Variants in KIAA1143 observed in about 807,000 individuals in gnomAD.
KIAA1143 encodes uncharacterized protein KIAA1143.
Under a neutral mutation model 17.0 loss-of-function variants are expected in KIAA1143, and 8 were observed. That is an observed-to-expected ratio of 0.47 (90% CI 0.28 to 0.85). KIAA1143 has a LOEUF of 0.85. Among genes scored for constraint, KIAA1143 ranks in the 40% least tolerant of loss-of-function variants. The pLI, the probability that KIAA1143 is intolerant of heterozygous loss-of-function variation, is 0.12. For synonymous variants in KIAA1143, 64 were observed against 67.8 expected (o/e 0.94, Z 0.27); for missense variants, 162 against 183.3 (o/e 0.88, Z 0.67).
rs1250679322 is a variant in KIAA1143, at chr3:44,750,020, T to C, written c.*3321A>G. 6.6e-6 allele frequency: 1 copy of C among 152,172 alleles called. No individual in the cohort carries two copies. The highest frequency in any genetic ancestry group is 1.5e-5 in the Non-Finnish European group (1 of 68,054). The allele number at this position is 152,172 out of a possible 1,614,324, so 9.4% of individuals were successfully genotyped here. Reference sequence around the variant, plus strand: ...CCCAGGCTGGGCTCAGATTCCTGGCTTCAAGCAATTCTCCCACCTTGGCTT... The same window carrying C: ...CCCAGGCTGGGCTCAGATTCCTGGCCTCAAGCAATTCTCCCACCTTGGCTT... On this transcript the variant is annotated 3_prime_UTR_variant, in exon 3 of 3. Coordinates refer to ENST00000296121, the MANE Select transcript of KIAA1143 (RefSeq NM_020696.4).
intron 1 of KIAA1143, among the ~76,000 whole-genome samples, chr3:44,760,869 G>A (rs1705093834): frequency 6.6e-6 from 1 of 151,938 alleles, no homozygotes; most frequent in South Asian, 2.1e-4. Context: ...TTTTAGCAGA[G>A]ACGGGGGGTT....
In KIAA1143 at chr3:44,758,682, T is replaced by A. The variant is rs1458867712; in HGVS notation, c.108+2813A>T. Among the ~76,000 whole-genome samples, 4 of 152,126 alleles carry A rather than the reference T, an allele frequency of 2.6e-5. No individual in the cohort carries two copies. The East Asian group carries it at 5.8e-4, about 22-fold the overall frequency. On this transcript the variant is annotated intron_variant, in intron 1 of 2. Transcript: ENST00000296121. ...AATCTCTCGAAGTCATCCATGAAGG[T>A]TGGAATCAACCTCTTCCAAATTCCT... is the stretch of plus-strand genomic sequence containing the variant.
chr3:44,759,832 C>T (rs1284241100), intron 1 of KIAA1143, among the ~76,000 whole-genome samples: 2 of 138,842 alleles, frequency 1.4e-5, no homozygotes, highest in Non-Finnish European at 3.0e-5. Context: ...GAGGTCAAGG[C>T]TGCAGTGAGC....
chr3:44,758,812 G>A (rs1467803034), intron 1 of KIAA1143, among the ~76,000 whole-genome samples: 1 of 151,764 alleles, frequency 6.6e-6, no homozygotes, highest in African/African-American at 2.4e-5. Flanking sequence ...ATATCCAGAT[G>A]CATCAGAGGA....
At chr3:44,760,539 G>A (rs952546510) in intron 1 of KIAA1143, among the ~76,000 whole-genome samples, 1 of 152,010 alleles carries the variant, frequency 6.6e-6, no homozygotes, top group Non-Finnish European at 1.5e-5. Context: ...ACAGGCGCCC[G>A]CCACCATGCC....
rs1391114135 is a variant in KIAA1143, at chr3:44,754,279, G to A, written c.198C>T (p.Asp66=). 2.5e-6 allele frequency: 4 copies of A among 1,613,982 alleles called. No homozygotes were observed. The highest frequency in any genetic ancestry group is 4.5e-5 in the East Asian group (2 of 44,880). Residue 66 remains aspartate (D), a synonymous_variant, in exon 2 of 3, where the codon GAC becomes GAT. Coordinates refer to ENST00000296121, the MANE Select transcript of KIAA1143 (RefSeq NM_020696.4). ...TTTTCATGACTTCTTCAACTGACAG[G>A]TCTCCCTTTTTTAAAACCACCACTT... The part of the protein sequence containing the change: ...QPQVVVLKKG[D]LSVEEVMKIK...
chr3:44,758,839 G>T (rs1343721951), intron 1 of KIAA1143, among the ~76,000 whole-genome samples: 1 of 151,814 alleles, frequency 6.6e-6, no homozygotes, highest in Non-Finnish European at 1.5e-5. Flanking sequence ...ATCCATGGCA[G>T]CTGTAGCCTT....
Position 44,754,341 on chromosome 3 carries a change from C to A in KIAA1143, c.136G>T (p.Asp46Tyr), listed in dbSNP as rs1210225983. The change falls in exon 2 of 3, where the codon GAT becomes TAT. Residue 46 changes from aspartate to tyrosine, a missense_variant. Asp to Tyr is a radical substitution (Grantham distance 160). Coordinates refer to ENST00000296121, the MANE Select transcript of KIAA1143 (RefSeq NM_020696.4). Reference protein sequence around the residue: ...KRIQPQPPDEDGDHSDKEDEQ... With the variant: ...KRIQPQPPDEYGDHSDKEDEQ... ...TCTTCTTTGTCACTGTGATCCCCAT[C>A]TTCATCTGGGGGCTGAGGCTGAATT... is the stretch of plus-strand genomic sequence containing the variant. The A allele has an allele frequency of 3.7e-6, 6 of 1,613,818 alleles. No individual in the cohort carries two copies. In the African/African-American group the frequency reaches 5.3e-5, roughly 14 times the overall value.
chr3:44,751,844 C>G lies in KIAA1143; in HGVS notation c.*1497G>C, dbSNP rs1235110177. ...CGGCCATCAAGAAGCTACCCTGTCT[C>G]CCCTAGACAAAGCAGGGTGAGAGTT... On this transcript the variant is annotated 3_prime_UTR_variant, in exon 3 of 3. Transcript: ENST00000296121. The G allele has an allele frequency of 1.3e-5, 2 of 152,160 alleles. No individual in the cohort carries two copies. Among genetic ancestry groups the G allele is most frequent in the Non-Finnish European group, 2.9e-5 (2 of 68,048 alleles). 9.4% of individuals were successfully genotyped at this position (152,160 alleles called of 1,614,324 possible).
At position 44,753,498 on chromosome 3, in the gene KIAA1143, T is replaced by C; in HGVS notation, c.308A>G (p.His103Arg). Residue 103 changes from histidine to arginine, a missense_variant, in exon 3 of 3, where the codon CAT (histidine) becomes CGT (arginine). By Grantham distance (29) the His-to-Arg change is conservative (BLOSUM62 0). This residue lies in a region of KIAA1143 where 137 missense variants were observed against 132.5 expected (regional missense o/e 1.03). Transcript: ENST00000296121. ...ACCTGAATATTTTTCATCTGAGGGA[T>C]GCTTGACTGGTTTTCGATATATGAT... is the stretch of plus-strand genomic sequence containing the variant. ...GRIIYRKPVK[H>R]PSDEKYSGLT... 1 of 1,612,556 alleles carries C rather than the reference T, an allele frequency of 6.2e-7. No individual in the cohort carries two copies. Among genetic ancestry groups the C allele is most frequent in the Non-Finnish European group, 8.5e-7 (1 of 1,178,726 alleles).
In KIAA1143 at chr3:44,758,101, T is replaced by C. The variant is rs144534867; in HGVS notation, c.108+3394A>G. On this transcript the variant is annotated intron_variant, in intron 1 of 2. Transcript: ENST00000296121. Reference sequence around the variant, plus strand: ...TCAACATTAACAGGAGTCTGGAAGATGTACCTACCTTAATTTAAAAATACT... The same window carrying C: ...TCAACATTAACAGGAGTCTGGAAGACGTACCTACCTTAATTTAAAAATACT... 8.9e-4 allele frequency among the ~76,000 whole-genome samples: 136 copies of C among 152,348 alleles called. 2 individuals are homozygous for C. Among genetic ancestry groups the C allele is most frequent in the African/African-American group, 3.1e-3 (127 of 41,586 alleles).
At position 44,749,801 on chromosome 3, in the gene KIAA1143, A is replaced by T. The variant is rs1704869800; in HGVS notation, c.*3540T>A. On this transcript the variant is annotated 3_prime_UTR_variant, in exon 3 of 3. Transcript: ENST00000296121. Reference sequence around the variant, plus strand: ...TTTTTAAAATTTATTTCTATTTTTTATTTTTTTTGAGACAGTTCTTACTCT... The same window carrying T: ...TTTTTAAAATTTATTTCTATTTTTTTTTTTTTTTGAGACAGTTCTTACTCT... 1 of 151,898 alleles carries T rather than the reference A, an allele frequency of 6.6e-6. No individual in the cohort carries two copies. Among genetic ancestry groups the T allele is most frequent in the Admixed American group, 6.6e-5 (1 of 15,236 alleles). The allele number at this position is 151,898 out of a possible 1,614,324, so 9.4% of individuals were successfully genotyped here. A position where few individuals can be genotyped will look rare whatever the true frequency, so the allele number is the denominator to read the frequency against.
In KIAA1143 at chr3:44,750,411, T is replaced by A. The variant is rs1704878957; in HGVS notation, c.*2930A>T. 1 of 151,400 alleles carries A rather than the reference T, an allele frequency of 6.6e-6. No homozygotes were observed. Among genetic ancestry groups the A allele is most frequent in the Non-Finnish European group, 1.5e-5 (1 of 67,906 alleles). The allele number at this position is 151,400 out of a possible 1,614,324, so 9.4% of individuals were successfully genotyped here. On this transcript the variant is annotated 3_prime_UTR_variant, in exon 3 of 3. Coordinates refer to ENST00000296121, the MANE Select transcript of KIAA1143 (RefSeq NM_020696.4). Reference sequence around the variant, plus strand: ...ATGTGTTCCAGGATTGTATGAGAGTTCTAAAATTCTGATATGTCTTAATAT... The same window carrying A: ...ATGTGTTCCAGGATTGTATGAGAGTACTAAAATTCTGATATGTCTTAATAT...
chr3:44,753,166 A>C lies in KIAA1143; in HGVS notation c.*175T>G. On this transcript the variant is annotated 3_prime_UTR_variant, in exon 3 of 3. Coordinates refer to ENST00000296121, the MANE Select transcript of KIAA1143 (RefSeq NM_020696.4). ...TGTTAATACTAGCTAATTTCTATAGAGTTGGCATTTTAAGTCAGAGGGGTA... is the reference window on the plus strand; with the variant it reads ...TGTTAATACTAGCTAATTTCTATAGCGTTGGCATTTTAAGTCAGAGGGGTA... 2.0e-6 allele frequency: 1 copy of C among 499,300 alleles called. No homozygotes were observed. Among genetic ancestry groups the C allele is most frequent in the African/African-American group, 1.9e-5 (1 of 51,834 alleles). 30.9% of individuals were successfully genotyped at this position (499,300 alleles called of 1,614,324 possible).
At position 44,753,541 on chromosome 3, in the gene KIAA1143, T is replaced by C. The variant is rs761911175; in HGVS notation, c.265A>G (p.Thr89Ala). The part of the protein sequence containing the change: ...IKAAKADEEP[T>A]PADGRIIYRK... Reference sequence around the variant, plus strand: ...TATATGATTCTTCCATCGGCTGGAGTTGGTTCTTCATCTGAGCAAAAACAG... The same window carrying C: ...TATATGATTCTTCCATCGGCTGGAGCTGGTTCTTCATCTGAGCAAAAACAG... Residue 89 changes from threonine to alanine, a missense_variant, in exon 3 of 3, where the codon ACT (threonine) becomes GCT (alanine). Transcript: ENST00000296121. 2 of 1,611,186 alleles carry C rather than the reference T, an allele frequency of 1.2e-6. No individual in the cohort carries two copies. The highest frequency in any genetic ancestry group is 1.7e-5 in the Admixed American group (1 of 59,790).
At chr3:44,754,610 G>T (rs1489794305) in intron 1 of KIAA1143, among the ~76,000 whole-genome samples, 1 of 152,288 alleles carries the variant, frequency 6.6e-6, no homozygotes, top group East Asian at 1.9e-4. Flanking sequence ...GACCCAGCTT[G>T]TAGTTACTAG....
rs1442217582 is a variant in KIAA1143 at position 44,752,370 on chromosome 3, T to A, written c.*971A>T. The A allele has an allele frequency of 3.3e-5, 5 of 151,700 alleles. No individual in the cohort carries two copies. The highest frequency in any genetic ancestry group is 1.2e-4 in the African/African-American group (5 of 41,334). The allele number at this position is 151,700 out of a possible 1,614,324, so 9.4% of individuals were successfully genotyped here. ...CAAACCTCTAGAGGATATTCATTGC[T>A]TTGTGCGTTTTGTTCAATTATTTGT... is the stretch of plus-strand genomic sequence containing the variant. On this transcript the variant is annotated 3_prime_UTR_variant, in exon 3 of 3. Transcript: ENST00000296121.
rs975739854 is a variant in KIAA1143 at position 44,749,301 on chromosome 3, A to T, written c.*4040T>A. The T allele has an allele frequency of 4.6e-5, 7 of 152,178 alleles. No individual in the cohort carries two copies. Among genetic ancestry groups the T allele is most frequent in the African/African-American group, 1.7e-4 (7 of 41,436 alleles). The allele number at this position is 152,178 out of a possible 1,614,324, so 9.4% of individuals were successfully genotyped here. A position where few individuals can be genotyped will look rare whatever the true frequency, so the allele number is the denominator to read the frequency against. On this transcript the variant is annotated 3_prime_UTR_variant, in exon 3 of 3. Transcript: ENST00000296121. ...ATACTTGGGAGGCTGAGGCAAGAGA[A>T]TGGTGTGAACCCAGGAGGCGGAGCT... is the stretch of plus-strand genomic sequence containing the variant.
intron 1 of KIAA1143, among the ~76,000 whole-genome samples, chr3:44,758,257 TG>T (rs1559511556): frequency 6.6e-6 from 1 of 152,184 alleles, no homozygotes; most frequent in African/African-American, 2.4e-5. Context: ...GCGGGGTGGC[TG>T]TGGCAATTTT....
Sources: gnomAD v4.1 joint callset for allele counts (sites outside exome capture counted in the v4.1 genomes callset) on GRCh38, gnomAD v4.1.1 for gene constraint, gnomAD v4.1.1 regional missense constraint, MANE v1.5 for transcripts, NCBI Gene and HGNC (gene_info 2026-07-23, HGNC 2026-07-21) for gene names.